The following KIF24 variants were observed in gnomAD, a reference collection of about 807,000 sequenced individuals.
KIF24 encodes kinesin family member 24.
In KIF24, 81 loss-of-function variants were observed where a neutral mutation model predicts 118.9. The ratio of observed to expected loss-of-function variants is 0.68; its 90% CI spans 0.57 to 0.82. The LOEUF (loss-of-function observed/expected upper bound fraction) is 0.82. Among genes scored for constraint, KIF24 ranks in the 40% least tolerant of loss-of-function variants. The pLI is 0.00. For synonymous variants in KIF24, 599 were observed against 610.0 expected, an observed-to-expected ratio of 0.98 and a Z score of 0.27; for missense variants, 1,560 against 1,661.6, an observed-to-expected ratio of 0.94 and a Z score of 1.06.
At chr9:34,269,459 G>A (rs908833994) in intron 7 of KIF24, 97 bp from the exon 8 acceptor site, 18 of 546,482 alleles carry the variant, frequency 3.3e-5, no homozygotes, top group African/African-American at 1.4e-4. Flanking sequence ...TCACTCTGTC[G>A]CCCAGGCTGG....
chr9:34,310,707 A>G lies in KIF24; in HGVS notation c.623+17T>C. 6.4e-7 allele frequency: 1 copy of G among 1,550,888 alleles called. No individual in the cohort carries two copies. The highest frequency in any genetic ancestry group is 8.7e-7 in the Non-Finnish European group (1 of 1,151,580). ...AGGCTACTTTCCCTCAAAAGAAAGA[A>G]AGATAAAATTTATTACCTGATACAA... is the stretch of plus-strand genomic sequence containing the variant. On this transcript the variant is annotated intron_variant, in intron 2 of 12. Coordinates refer to ENST00000402558, the MANE Select transcript of KIF24 (RefSeq NM_194313.4).
upstream of KIF24, among the ~76,000 whole-genome samples, chr9:34,330,938 G>C (rs1410310348): frequency 6.6e-6 from 1 of 152,006 alleles, no homozygotes; most frequent in Non-Finnish European, 1.5e-5. Context: ...TCCAGCCTGG[G>C]CGACAGAGGG....
chr9:34,309,766 C>G (rs1349104648), intron 2 of KIF24, among the ~76,000 whole-genome samples: 2 of 152,012 alleles, frequency 1.3e-5, no homozygotes, highest in Non-Finnish European at 2.9e-5. Flanking sequence ...GATATTTTTA[C>G]TGTTAAAACT....
chr9:34,283,916 C>T (rs149033574), intron 6 of KIF24, among the ~76,000 whole-genome samples: 55 of 152,234 alleles, frequency 3.6e-4, no homozygotes, highest in Admixed American at 1.2e-3. Context: ...TGAAGAGCAA[C>T]GGGATTGCTC....
intron 1 of KIF24, among the ~76,000 whole-genome samples, chr9:34,316,355 C>T (rs1191640984): frequency 6.6e-6 from 1 of 151,860 alleles, no homozygotes; most frequent in Non-Finnish European, 1.5e-5. Context: ...AAAAAAAGTT[C>T]CATTATGTCT....
At chr9:34,319,640 G>A (rs1587974994) in intron 1 of KIF24, 2 of 866,412 alleles carry the variant, frequency 2.3e-6, no homozygotes, top group Non-Finnish European at 3.9e-6. Context: ...TTGACAAGAT[G>A]CAAGACGAGT....
At position 34,252,468 on chromosome 9, in the gene KIF24, GCTAACTAA is replaced by G. The variant is rs10565742; in HGVS notation, c.*1904_*1911del. 2 of 151,620 alleles carry G rather than the reference GCTAACTAA, an allele frequency of 1.3e-5. No individual in the cohort carries two copies. Among genetic ancestry groups the G allele is most frequent in the East Asian group, 1.9e-4 (1 of 5,190 alleles). The allele number at this position is 151,620 out of a possible 1,614,324, so 9.4% of individuals were successfully genotyped here. A position where few individuals can be genotyped will look rare whatever the true frequency, so the allele number is the denominator to read the frequency against. ...TACAGTCTTGAATCTAAAATAATTT[GCTAACTAA>G]CTATTTTGATTCTTCAGAGAGAACT... On this transcript the variant is annotated 3_prime_UTR_variant, in exon 13 of 13. Coordinates refer to ENST00000402558, the MANE Select transcript of KIF24 (RefSeq NM_194313.4).
chr9:34,255,212 T>C (rs1365335018), intron 11 of KIF24, 47 bp from the exon 12 acceptor site: 3 of 1,173,518 alleles, frequency 2.6e-6, no homozygotes, highest in African/African-American at 1.5e-5. Context: ...CCTCCCAGCC[T>C]CTCCTGGGTA....
intron 5 of KIF24, among the ~76,000 whole-genome samples, chr9:34,289,302 C>T (rs1363037876): frequency 6.6e-6 from 1 of 152,196 alleles, no homozygotes. Context: ...ACTGCTCCCC[C>T]ACTCCCCATT....
chr9:34,313,734 ATC>A (rs1417706473), intron 1 of KIF24, among the ~76,000 whole-genome samples: 1 of 134,556 alleles, frequency 7.4e-6, no homozygotes, highest in African/African-American at 2.8e-5. Flanking sequence ...TTCCCCCGTT[ATC>A]TGTTTTTTTT....
At chr9:34,332,085 G>A (rs1037647218), upstream of KIF24, among the ~76,000 whole-genome samples, 7 of 152,064 alleles carry the variant, frequency 4.6e-5, no homozygotes, top group Non-Finnish European at 1.0e-4. Flanking sequence ...GTCCTAATTC[G>A]TTCCCCAGCT....
At chr9:34,273,189 T>A (rs554336810) in intron 6 of KIF24, among the ~76,000 whole-genome samples, 45 of 152,162 alleles carry the variant, frequency 3.0e-4, no homozygotes, top group Non-Finnish European at 4.6e-4. Flanking sequence ...TTTTTTCTTT[T>A]TTTTTTCTAA....
intron 6 of KIF24, among the ~76,000 whole-genome samples, chr9:34,284,889 G>T (rs1024352671): frequency 2.0e-5 from 3 of 152,076 alleles, no homozygotes; most frequent in African/African-American, 4.8e-5. Flanking sequence ...AATAAAAAAG[G>T]TTAAATCATT....
At chr9:34,259,770 C>T in intron 9 of KIF24, 65 bp from the exon 10 acceptor site, 28 of 1,016,146 alleles carry the variant, frequency 2.8e-5, no homozygotes, top group Non-Finnish European at 4.2e-5. Context: ...TGACTACTTA[C>T]TAGGTGCAGG....
intron 1 of KIF24, among the ~76,000 whole-genome samples, chr9:34,311,737 T>TAC (rs1324552505): frequency 1.6e-4 from 24 of 147,148 alleles, no homozygotes; most frequent in African/African-American, 5.0e-4. Context: ...CGTATATATA[T>TAC]ACATATATAC....
rs569093490 is a variant in KIF24 at position 34,311,648 on chromosome 9, A to G, written c.-25-277T>C. Among the ~76,000 whole-genome samples, 479 of 141,496 alleles carry G rather than the reference A, an allele frequency of 3.4e-3. 1 individual carries two copies. Among genetic ancestry groups the G allele is most frequent in the African/African-American group, 0.011 (444 of 39,532 alleles). 92.8% of individuals were successfully genotyped at this position (141,496 alleles called of 152,430 possible). A position where few individuals can be genotyped will look rare whatever the true frequency, so the allele number is the denominator to read the frequency against. ...CATTCCATTTTACATATGTGTATAT[A>G]TACGTGTATATACATATATACGTGT... On this transcript the variant is annotated intron_variant, in intron 1 of 12. Coordinates refer to ENST00000402558, the MANE Select transcript of KIF24 (RefSeq NM_194313.4).
chr9:34,268,303 G>T (rs1835368983), intron 8 of KIF24, among the ~76,000 whole-genome samples: 1 of 149,448 alleles, frequency 6.7e-6, no homozygotes, highest in African/African-American at 2.5e-5. Flanking sequence ...AGCTGGGGTT[G>T]TAACAGCCTG....
intron 1 of KIF24, among the ~76,000 whole-genome samples, chr9:34,313,566 C>T (rs1837237292): frequency 1.3e-5 from 2 of 151,636 alleles, no homozygotes; most frequent in Admixed American, 1.3e-4. Flanking sequence ...CTCATCTCAG[C>T]CTCCCAAGTA....
intron 10 of KIF24, among the ~76,000 whole-genome samples, chr9:34,259,181 C>T (rs562024888): frequency 7.9e-5 from 12 of 152,316 alleles, no homozygotes; most frequent in African/African-American, 2.6e-4. Context: ...CCCTTCTGGA[C>T]ACAGATAGCT....
Sources: gnomAD v4.1 joint callset for allele counts (sites outside exome capture counted in the v4.1 genomes callset) on GRCh38, gnomAD v4.1.1 for gene constraint, MANE v1.5 for transcripts, NCBI Gene and HGNC (gene_info 2026-07-23, HGNC 2026-07-21) for gene names.